Variants in MAST4 observed in about 807,000 individuals in gnomAD.
The protein encoded by MAST4 is microtubule associated serine/threonine kinase family member 4.
MAST4 carries 89 observed loss-of-function variants against 162.7 expected under a neutral mutation model. The observed-to-expected ratio is 0.55, with a 90% confidence interval of 0.46 to 0.65. MAST4 has a LOEUF of 0.65. Ranked by LOEUF, MAST4 falls within the 30% of genes least tolerant of loss-of-function variation. The probability of loss-of-function intolerance (pLI) is 0.00; values close to 1 mark genes in which losing one functional copy is unlikely to be tolerated. For synonymous variants in MAST4, 1,479 were observed against 1,361.1 expected (o/e 1.09, Z -1.91); for missense variants, 3,153 against 3,374.0 (o/e 0.93, Z 1.62).
Position 67,164,629 on chromosome 5 carries a change from A to G in MAST4, c.5450A>G (p.Lys1817Arg). ...IALLSGPQAS[K>R]TELPSPESAQ... ...CTCCTGTCCGGACCTCAGGCCTCCA[A>G]GACAGAACTGCCTTCCCCAGAGTCT... Residue 1817 changes from lysine to arginine, a missense_variant, in exon 29 of 29, where the codon AAG becomes AGG. Physicochemically the swap from Lys to Arg is conservative, Grantham distance 26 (BLOSUM62 2). Coordinates refer to ENST00000403625, the MANE Select transcript of MAST4 (RefSeq NM_001164664.2). The surrounding 1 kb of genome is among the most constrained non-coding windows in gnomAD (Gnocchi z 5.3). 1 of 1,614,018 alleles carries G rather than the reference A, an allele frequency of 6.2e-7. No individual in the cohort carries two copies. The highest frequency in any genetic ancestry group is 8.5e-7 in the Non-Finnish European group (1 of 1,179,902).
At chr5:66,941,008 C>G (rs969982971) in intron 4 of MAST4, among the ~76,000 whole-genome samples, 1 of 152,044 alleles carries the variant, frequency 6.6e-6, no homozygotes, top group South Asian at 2.1e-4. Flanking sequence ...AGTAATATCT[C>G]GAGAGGAATC....
In MAST4 at chr5:67,086,333, G is replaced by A. The variant is rs114440422; in HGVS notation, c.764-3829G>A. Among the ~76,000 whole-genome samples the A allele has an allele frequency of 3.8e-3, 579 of 152,324 alleles. 3 individuals are homozygous for A. The highest frequency in any genetic ancestry group is 0.013 in the African/African-American group (553 of 41,566). Reference sequence around the variant, plus strand: ...AAGATTTGCAGCTTGCTTCTATGTGGCAAAGACACAGGACTTCTCCAATCT... The same window carrying A: ...AAGATTTGCAGCTTGCTTCTATGTGACAAAGACACAGGACTTCTCCAATCT... On this transcript the variant is annotated intron_variant, in intron 5 of 28. Transcript: ENST00000403625.
At chr5:67,052,212 A>G (rs1432294344) in intron 4 of MAST4, among the ~76,000 whole-genome samples, 1 of 152,160 alleles carries the variant, frequency 6.6e-6, no homozygotes, top group African/African-American at 2.4e-5. Context: ...TCTACATTGC[A>G]TTCATAATGA....
chr5:66,804,017 G>A (rs1756054535), intron 3 of MAST4, among the ~76,000 whole-genome samples: 1 of 151,256 alleles, frequency 6.6e-6, no homozygotes, highest in Admixed American at 6.6e-5. Flanking sequence ...TTGCTATTAA[G>A]TGCTTTTTCT....
In MAST4 at chr5:66,733,522, C is replaced by T. The variant is rs554663204; in HGVS notation, c.364-26187C>T. Among the ~76,000 whole-genome samples the T allele has an allele frequency of 2.0e-4, 31 of 152,212 alleles. No homozygotes were observed. In the East Asian group the frequency reaches 3.9e-3, roughly 19 times the overall value. On this transcript the variant is annotated intron_variant, in intron 1 of 28. Transcript: ENST00000403625. ...TCACCCAGGCTGGAGTGCAGTGGTGCGATCTCGGCTCATTGCAACCTCCGC... is the reference window on the plus strand; with the variant it reads ...TCACCCAGGCTGGAGTGCAGTGGTGTGATCTCGGCTCATTGCAACCTCCGC...
intron 5 of MAST4, among the ~76,000 whole-genome samples, chr5:67,055,663 C>T (rs1019025218): frequency 6.6e-6 from 1 of 152,052 alleles, no homozygotes; most frequent in Non-Finnish European, 1.5e-5. Context: ...GTAAAATGAC[C>T]ACTAACATCT....
intron 1 of MAST4, among the ~76,000 whole-genome samples, chr5:66,612,271 ATAT>A (rs1308865711): frequency 2.0e-5 from 3 of 152,256 alleles, no homozygotes; most frequent in East Asian, 3.9e-4. Context: ...AAAGGAGGAA[ATAT>A]TGTTAGAGTA....
rs146816902 is a variant in MAST4, at chr5:66,953,607, T to C, written c.674+53625T>C. Among the ~76,000 whole-genome samples the C allele has an allele frequency of 1.3e-4, 20 of 152,240 alleles. No individual in the cohort carries two copies. The South Asian group carries it at 3.9e-3, about 30-fold the overall frequency. Reference sequence around the variant, plus strand: ...ACGGGACAGAAGTATATACATACACTAAAGTAATATTCCCCGAGAAGAAAT... The same window carrying C: ...ACGGGACAGAAGTATATACATACACCAAAGTAATATTCCCCGAGAAGAAAT... On this transcript the variant is annotated intron_variant, in intron 4 of 28. Coordinates refer to ENST00000403625, the MANE Select transcript of MAST4 (RefSeq NM_001164664.2).
chr5:66,899,848 C>CAAGCGTAATG, intron 3 of MAST4, 103 bp from the exon 4 acceptor site: 1 of 907,364 alleles, frequency 1.1e-6, no homozygotes, highest in Middle Eastern at 2.9e-4. Context: ...AATGCCAAAT[C>CAAGCGTAATG]AAGCGTAATG....
chr5:66,972,507 C>T (rs1446650361), intron 4 of MAST4, among the ~76,000 whole-genome samples: 2 of 152,184 alleles, frequency 1.3e-5, no homozygotes, highest in East Asian at 1.9e-4. Flanking sequence ...ACCTGTAATT[C>T]TTCCCTTTAA....
At chr5:66,980,860 G>A (rs762464306) in intron 4 of MAST4, among the ~76,000 whole-genome samples, 5 of 152,126 alleles carry the variant, frequency 3.3e-5, no homozygotes, top group East Asian at 3.9e-4. Flanking sequence ...GGTATTCTGG[G>A]GCAGTCAAGA....
At chr5:66,692,187 T>G (rs545706566) in intron 1 of MAST4, among the ~76,000 whole-genome samples, 11 of 152,288 alleles carry the variant, frequency 7.2e-5, no homozygotes, top group Non-Finnish European at 1.5e-4. Context: ...GCTTGCTCTC[T>G]CTCGACCTCT....
At chr5:67,077,846 T>A (rs1447333193) in intron 5 of MAST4, among the ~76,000 whole-genome samples, 2 of 152,128 alleles carry the variant, frequency 1.3e-5, no homozygotes, top group Non-Finnish European at 2.9e-5. Flanking sequence ...ATGCCTATAA[T>A]CCCAGCACTT....
At position 67,162,255 on chromosome 5, in the gene MAST4, T is replaced by A. The variant is rs563210634; in HGVS notation, c.3786-352T>A. On this transcript the variant is annotated intron_variant, in intron 27 of 28. Coordinates refer to ENST00000403625, the MANE Select transcript of MAST4 (RefSeq NM_001164664.2). ...TTTGTATTATCTCTTAGTTAAGTTG[T>A]GTCTGCATATTTAGGGGTAGGTACT... Among the ~76,000 whole-genome samples, 136 of 152,370 alleles carry A rather than the reference T, an allele frequency of 8.9e-4. 2 individuals carry two copies. The South Asian group carries it at 0.027, about 30-fold the overall frequency.
chr5:66,598,383 G>A (rs950975168), intron 1 of MAST4, among the ~76,000 whole-genome samples: 10 of 152,176 alleles, frequency 6.6e-5, no homozygotes, highest in African/African-American at 2.2e-4. Flanking sequence ...AAAAGGAGGA[G>A]CTTCAAGGTA....
intron 1 of MAST4, among the ~76,000 whole-genome samples, chr5:66,695,640 A>G (rs1749351826): frequency 6.6e-6 from 1 of 152,104 alleles, no homozygotes; most frequent in Non-Finnish European, 1.5e-5. Flanking sequence ...TGATTTTTCC[A>G]TACAACAATG....
At chr5:66,938,262 A>G (rs1580941468) in intron 4 of MAST4, among the ~76,000 whole-genome samples, 1 of 152,176 alleles carries the variant, frequency 6.6e-6, no homozygotes, top group Non-Finnish European at 1.5e-5. Context: ...CTAGACTGTT[A>G]GTGTAAAATA....
chr5:66,700,440 T>G (rs1414965146), intron 1 of MAST4, among the ~76,000 whole-genome samples: 1 of 152,070 alleles, frequency 6.6e-6, no homozygotes. Flanking sequence ...ATATTAACCT[T>G]GTCAGAACTG....
intron 1 of MAST4, among the ~76,000 whole-genome samples, chr5:66,754,044 C>T (rs1007270192): frequency 6.6e-6 from 1 of 151,872 alleles, no homozygotes; most frequent in East Asian, 1.9e-4. Context: ...GAACCAAAGA[C>T]AAAAACCACA....
Sources: gnomAD v4.1 joint callset for allele counts (sites outside exome capture counted in the v4.1 genomes callset) on GRCh38, gnomAD v4.1.1 for gene constraint, Gnocchi (gnomAD v3.1) non-coding constraint, MANE v1.5 for transcripts, NCBI Gene and HGNC (gene_info 2026-07-23, HGNC 2026-07-21) for gene names.